ERMP1: variants seen among roughly 807,000 people sequenced by gnomAD.
ERMP1 encodes Felix-ina.
Under a neutral mutation model 92.0 loss-of-function variants are expected in ERMP1, and 86 were observed. The observed-to-expected ratio is 0.93, with a 90% confidence interval of 0.79 to 1.12. The LOEUF is 1.12. Among genes scored for constraint, ERMP1 ranks in the 50% most tolerant of loss-of-function variants. ERMP1 has a pLI of 0.00. For missense variants in ERMP1, 1,342 were observed against 1,116.3 expected, an observed-to-expected ratio of 1.20 and a Z score of -2.88; for synonymous variants, 530 against 412.8, an observed-to-expected ratio of 1.28 and a Z score of -3.44.
intron 11 of ERMP1, among the ~76,000 whole-genome samples, chr9:5,800,406 G>A (rs2131217541): frequency 6.6e-6 from 1 of 152,292 alleles, no homozygotes; most frequent in Middle Eastern, 3.4e-3. Flanking sequence ...CAGGTGTGGT[G>A]GCTCACACCT....
chr9:5,808,025 A>T (rs964235714), intron 8 of ERMP1, among the ~76,000 whole-genome samples: 1 of 152,080 alleles, frequency 6.6e-6, no homozygotes, highest in Non-Finnish European at 1.5e-5. Flanking sequence ...GGTCTCACTT[A>T]TATTGCCCAG....
intron 5 of ERMP1, among the ~76,000 whole-genome samples, chr9:5,861,937 C>A (rs1830509448): frequency 6.6e-6 from 1 of 151,652 alleles, no homozygotes; most frequent in African/African-American, 2.4e-5. Context: ...AGGGGCTGTC[C>A]CTCTAGACAC....
intron 4 of ERMP1, among the ~76,000 whole-genome samples, chr9:5,819,244 T>C (rs1384959799): frequency 1.3e-5 from 2 of 150,786 alleles, no homozygotes; most frequent in Non-Finnish European, 3.0e-5. Context: ...TAAAAAAAAA[T>C]GAAGTACTAA....
At chr9:5,858,994 T>C (rs942847188) in intron 6 of ERMP1, among the ~76,000 whole-genome samples, 1 of 152,228 alleles carries the variant, frequency 6.6e-6, no homozygotes, top group Non-Finnish European at 1.5e-5. Flanking sequence ...ACTAATTTCA[T>C]ACTTGCAAGA....
chr9:5,835,565 G>A (rs1030193971), upstream of ERMP1, among the ~76,000 whole-genome samples: 7 of 152,196 alleles, frequency 4.6e-5, no homozygotes, highest in African/African-American at 1.4e-4. Flanking sequence ...TTCCAGCAGA[G>A]GAAAGTGAGC....
At chr9:5,789,090 G>A (rs988305816) in intron 13 of ERMP1, among the ~76,000 whole-genome samples, 1 of 152,008 alleles carries the variant, frequency 6.6e-6, no homozygotes, top group Non-Finnish European at 1.5e-5. Context: ...CAACGAAACA[G>A]AACTAATATT....
chr9:5,866,535 C>T (rs1303296264), intron 5 of ERMP1, among the ~76,000 whole-genome samples: 1 of 152,148 alleles, frequency 6.6e-6, no homozygotes, highest in East Asian at 1.9e-4. Flanking sequence ...CACTTGTACA[C>T]AGATTATCTC....
In ERMP1 at chr9:5,787,327, T is replaced by C. The variant is rs750180048; in HGVS notation, c.2551-19A>G. 1 of 1,609,440 alleles carries C rather than the reference T, an allele frequency of 6.2e-7. No individual in the cohort carries two copies. The highest frequency in any genetic ancestry group is 1.1e-5 in the South Asian group (1 of 90,340). ...CTGAAACCTGCCAGAGAAAATCAATTAGTTCTCCAGTTCTCAGAAGCCAGA... is the reference window on the plus strand; with the variant it reads ...CTGAAACCTGCCAGAGAAAATCAATCAGTTCTCCAGTTCTCAGAAGCCAGA... On this transcript the variant is annotated intron_variant, in intron 14 of 14. Coordinates refer to ENST00000339450, the MANE Select transcript of ERMP1 (RefSeq NM_024896.3).
chr9:5,800,815 CA>C (rs1426747278), intron 11 of ERMP1, among the ~76,000 whole-genome samples: 3 of 152,148 alleles, frequency 2.0e-5, no homozygotes, highest in Non-Finnish European at 4.4e-5. Flanking sequence ...TTTATTTTGC[CA>C]GTTGACAGTT....
chr9:5,863,634 G>A (rs990417336), intron 5 of ERMP1, among the ~76,000 whole-genome samples: 1 of 152,140 alleles, frequency 6.6e-6, no homozygotes, highest in Non-Finnish European at 1.5e-5. Flanking sequence ...TACTATGTAA[G>A]GATCAGAGGG....
Position 5,812,963 on chromosome 9 carries a change from T to G in ERMP1, c.947A>C (p.Gln316Pro). 6.2e-7 allele frequency: 1 copy of G among 1,614,088 alleles called. No individual in the cohort carries two copies. Among genetic ancestry groups the G allele is most frequent in the Non-Finnish European group, 8.5e-7 (1 of 1,179,946 alleles). Reference protein sequence around the residue: ...AKHPFASVVAQEVFQSGIIPS... With the variant: ...AKHPFASVVAPEVFQSGIIPS... ...AATGATTCCACTCTGAAAAACCTCC[T>G]GAGCCACCACAGAAGCAAAAGGGTG... Residue 316 changes from glutamine to proline, a missense_variant, in exon 5 of 15, where the codon CAG becomes CCG. By Grantham distance (76) the Gln-to-Pro change is moderately conservative. Transcript: ENST00000339450.
At chr9:5,797,524 T>C (rs1484900862) in intron 13 of ERMP1, among the ~76,000 whole-genome samples, 1 of 151,936 alleles carries the variant, frequency 6.6e-6, no homozygotes, top group Non-Finnish European at 1.5e-5. Context: ...GGCACACACC[T>C]GTAATCCCAA....
intron 6 of ERMP1, among the ~76,000 whole-genome samples, chr9:5,853,250 T>C (rs1055341324): frequency 2.6e-5 from 4 of 152,182 alleles, no homozygotes; most frequent in Non-Finnish European, 5.9e-5. Flanking sequence ...AAGGGAAATT[T>C]ATGTCCTGCT....
chr9:5,822,214 T>C (rs895571042), intron 4 of ERMP1, among the ~76,000 whole-genome samples: 2 of 152,164 alleles, frequency 1.3e-5, no homozygotes, highest in African/African-American at 4.8e-5. Context: ...ATCATACCAC[T>C]ACACTCCAGC....
Position 5,807,744 on chromosome 9 carries a change from TCAA to T in ERMP1, c.1549-1962_1549-1960del, listed in dbSNP as rs556649822. 4.2e-4 allele frequency among the ~76,000 whole-genome samples: 64 copies of T among 151,906 alleles called. No homozygotes were observed. In the East Asian group the frequency reaches 9.7e-3, roughly 23 times the overall value. ...CTGGGCGACAGAGTGAGACTCTGTC[TCAA>T]CAACAACAACAAAAAAAAAACGGAA... On this transcript the variant is annotated intron_variant, in intron 8 of 14. Transcript: ENST00000339450.
At chr9:5,793,100 G>A (rs948385795) in intron 13 of ERMP1, among the ~76,000 whole-genome samples, 6 of 152,100 alleles carry the variant, frequency 3.9e-5, no homozygotes, top group East Asian at 1.9e-4. Context: ...ACACGCTTCT[G>A]TATAAGAGAG....
At chr9:5,810,323 C>G in intron 7 of ERMP1, 92 bp from the exon 8 acceptor site, 1 of 827,450 alleles carries the variant, frequency 1.2e-6, no homozygotes, top group African/African-American at 1.7e-5. Flanking sequence ...AACATTAAAA[C>G]AAAAAACTCC....
chr9:5,787,179 C>T lies in ERMP1; in HGVS notation c.2680G>A (p.Ala894Thr). 6.2e-7 allele frequency: 1 copy of T among 1,614,014 alleles called. No homozygotes were observed. Among genetic ancestry groups the T allele is most frequent in the East Asian group, 2.2e-5 (1 of 44,878 alleles). The change falls in exon 15 of 15, where the codon GCC becomes ACC. Residue 894 changes from alanine (A) to threonine (T), a missense_variant. Transcript: ENST00000339450. ...EKFPDWTFPS[A>T]WVCTYDLFVF ...AAGAGATCGTAGGTGCACACCCAGGCAGAGGGAAATGTCCAATCTGGGAAC... is the reference window on the plus strand; with the variant it reads ...AAGAGATCGTAGGTGCACACCCAGGTAGAGGGAAATGTCCAATCTGGGAAC...
chr9:5,829,139 C>T (rs753474268), intron 2 of ERMP1, among the ~76,000 whole-genome samples: 2 of 146,896 alleles, frequency 1.4e-5, no homozygotes, highest in East Asian at 2.1e-4. Flanking sequence ...CGCTTAAACC[C>T]GGGAGGCAGA....
Sources: allele counts gnomAD v4.1 joint callset (sites outside exome capture counted in the v4.1 genomes callset), GRCh38; gene constraint gnomAD v4.1.1; transcripts MANE v1.5; gene names NCBI Gene and HGNC (gene_info 2026-07-23, HGNC 2026-07-21).